The following GRM8 variants were observed in gnomAD, a reference collection of about 807,000 sequenced individuals.
The protein encoded by GRM8 is glutamate metabotropic receptor 8.
A neutral mutation model predicts 87.2 loss-of-function variants in GRM8; 47 were observed. The ratio of observed to expected loss-of-function variants is 0.54; its 90% CI spans 0.43 to 0.69. The LOEUF (loss-of-function observed/expected upper bound fraction) is 0.69, where lower values mean the gene tolerates loss of function less well. Among genes scored for constraint, GRM8 ranks in the 30% least tolerant of loss-of-function variants. The probability of loss-of-function intolerance (pLI) is 0.00; values close to 1 mark genes in which losing one functional copy is unlikely to be tolerated. For missense variants in GRM8, 1,019 were observed against 1,139.2 expected (o/e 0.89, Z 1.52); for synonymous variants, 396 against 404.5 (o/e 0.98, Z 0.25).
intron 2 of GRM8, among the ~76,000 whole-genome samples, chr7:127,151,679 T>G (rs1300142607): frequency 1.3e-5 from 2 of 152,144 alleles, no homozygotes; most frequent in Admixed American, 1.3e-4. Context: ...TACACAGAGA[T>G]GTATCAAAAG....
intron 3 of GRM8, among the ~76,000 whole-genome samples, chr7:127,022,170 C>CT (rs76117895): frequency 0.021 from 3,030 of 143,950 alleles, 86 homozygotes; most frequent in African/African-American, 0.069. Flanking sequence ...GATAATGTTT[C>CT]TTTTTTTTTT....
intron 8 of GRM8, among the ~76,000 whole-genome samples, chr7:126,579,712 A>C (rs2299470): frequency 0.31 from 46,970 of 152,076 alleles, 8,135 homozygotes; most frequent in East Asian, 0.44. Context: ...GTCAACTGAA[A>C]TAAAGCTCAG....
intron 8 of GRM8, among the ~76,000 whole-genome samples, chr7:126,541,149 T>G (rs568467571): frequency 6.6e-6 from 1 of 152,134 alleles, no homozygotes; most frequent in South Asian, 2.1e-4. Flanking sequence ...CAGCTCACAG[T>G]GAGTCTCCCT....
intron 7 of GRM8, among the ~76,000 whole-genome samples, chr7:126,633,057 G>T (rs1443278114): frequency 2.0e-5 from 3 of 151,530 alleles, no homozygotes; most frequent in Non-Finnish European, 1.5e-5. Flanking sequence ...AAAAATATTT[G>T]CTTTGAATAT....
Position 126,533,478 on chromosome 7 carries a change from A to G in GRM8, c.1904T>C (p.Ile635Thr), listed in dbSNP as rs1331209577. 1 of 1,614,068 alleles carries G rather than the reference A, an allele frequency of 6.2e-7. No individual in the cohort carries two copies. The highest frequency in any genetic ancestry group is 1.1e-5 in the South Asian group (1 of 91,076). Residue 635 changes from isoleucine (I) to threonine (T), a missense_variant, in exon 9 of 11, where the codon ATC becomes ACC. Physicochemically the swap from Ile to Thr is moderately conservative, Grantham distance 89 (BLOSUM62 -1). Transcript: ENST00000339582. Reference sequence around the variant, plus strand: ...TGGTGCTGCAATCATTAAAAACGTGATTGAATAACAGAGAAAAATCCCCGT... The same window carrying G: ...TGGTGCTGCAATCATTAAAAACGTGGTTGAATAACAGAGAAAAATCCCCGT... ...LLTGIFLCYS[I>T]TFLMIAAPDT...
At chr7:127,067,050 A>G (rs1293155936) in intron 3 of GRM8, among the ~76,000 whole-genome samples, 1 of 152,210 alleles carries the variant, frequency 6.6e-6, no homozygotes, top group Non-Finnish European at 1.5e-5. Flanking sequence ...CTCTTGTACC[A>G]GTATTCACTC....
chr7:126,846,916 C>T (rs904585164), intron 6 of GRM8, among the ~76,000 whole-genome samples: 3 of 152,100 alleles, frequency 2.0e-5, no homozygotes, highest in African/African-American at 7.2e-5. Flanking sequence ...TTTCCTATTG[C>T]ACCACAGTAT....
chr7:127,045,708 CATAACTTCT>C (rs1818861992), intron 3 of GRM8, among the ~76,000 whole-genome samples: 1 of 152,174 alleles, frequency 6.6e-6, no homozygotes, highest in Non-Finnish European at 1.5e-5. Context: ...CCCACACGTG[CATAACTTCT>C]CAAGCTACCT....
chr7:126,923,716 G>A (rs1488056330), intron 3 of GRM8, among the ~76,000 whole-genome samples: 6 of 152,054 alleles, frequency 3.9e-5, no homozygotes, highest in Admixed American at 1.3e-4. Context: ...TGAAGTATGC[G>A]AGTTTATAAC....
chr7:127,071,242 T>C (rs1821653813), intron 3 of GRM8, among the ~76,000 whole-genome samples: 1 of 152,218 alleles, frequency 6.6e-6, no homozygotes, highest in Admixed American at 6.5e-5. Context: ...TGAGTTTTAT[T>C]CACTTCAAAA....
At chr7:126,716,713 T>A (rs1317504996) in intron 7 of GRM8, among the ~76,000 whole-genome samples, 1 of 152,164 alleles carries the variant, frequency 6.6e-6, no homozygotes, top group Non-Finnish European at 1.5e-5. Context: ...CCTGAGGATG[T>A]TTCTAAGGAT....
intron 6 of GRM8, among the ~76,000 whole-genome samples, chr7:126,891,725 C>T (rs1286117916): frequency 6.6e-6 from 1 of 152,034 alleles, no homozygotes; most frequent in African/African-American, 2.4e-5. Flanking sequence ...CTGCTATATG[C>T]TGGCTATTCG....
intron 1 of GRM8, among the ~76,000 whole-genome samples, chr7:127,245,264 T>G (rs1293789377): frequency 2.0e-5 from 3 of 152,230 alleles, no homozygotes; most frequent in African/African-American, 7.2e-5. Flanking sequence ...CCTCATTAAC[T>G]CTGATCACTA....
At chr7:126,495,454 A>C (rs1808588010) in intron 9 of GRM8, among the ~76,000 whole-genome samples, 1 of 152,038 alleles carries the variant, frequency 6.6e-6, no homozygotes, top group African/African-American at 2.4e-5. Context: ...GATGTGACAC[A>C]TCCAGAAGGA....
At chr7:126,766,657 T>C (rs1818231543) in intron 7 of GRM8, among the ~76,000 whole-genome samples, 1 of 152,128 alleles carries the variant, frequency 6.6e-6, no homozygotes, top group African/African-American at 2.4e-5. Flanking sequence ...TAATATATAA[T>C]GTTTTTTGTT....
chr7:126,936,071 G>A (rs1201499095), intron 3 of GRM8, among the ~76,000 whole-genome samples: 1 of 152,114 alleles, frequency 6.6e-6, no homozygotes, highest in Non-Finnish European at 1.5e-5. Flanking sequence ...ATTAAGAAAA[G>A]ATAAAAACCA....
At chr7:127,125,764 A>AC (rs1434285824) in intron 2 of GRM8, among the ~76,000 whole-genome samples, 1 of 135,498 alleles carries the variant, frequency 7.4e-6, no homozygotes, top group African/African-American at 3.0e-5. Context: ...TCAAACAACT[A>AC]AACACACACA....
intron 2 of GRM8, among the ~76,000 whole-genome samples, chr7:127,224,041 GA>G (rs1395988884): frequency 6.6e-6 from 1 of 151,806 alleles, no homozygotes; most frequent in East Asian, 1.9e-4. Context: ...TTAGGCTGGG[GA>G]AAAAAATGAA....
At chr7:126,945,536 A>G (rs964125682) in intron 3 of GRM8, among the ~76,000 whole-genome samples, 1 of 152,224 alleles carries the variant, frequency 6.6e-6, no homozygotes, top group Non-Finnish European at 1.5e-5. Context: ...TTTCATGCCC[A>G]AAATTGTTAA....
Sources: allele counts gnomAD v4.1 joint callset (sites outside exome capture counted in the v4.1 genomes callset), GRCh38; gene constraint gnomAD v4.1.1; transcripts MANE v1.5; gene names NCBI Gene and HGNC (gene_info 2026-07-23, HGNC 2026-07-21).